TRPM3: variants seen among roughly 807,000 people sequenced by gnomAD.
TRPM3 encodes the protein transient receptor potential cation channel subfamily M member 3, also known as long transient receptor potential channel 3.
In TRPM3, 77 loss-of-function variants were observed where a neutral mutation model predicts 181.2. The observed-to-expected ratio is 0.42, with a 90% CI of 0.35 to 0.51. The LOEUF is 0.51. Ranked by LOEUF, TRPM3 falls within the 20% of genes least tolerant of loss-of-function variation. The pLI is 0.01. For synonymous variants in TRPM3, 745 were observed against 796.4 expected (o/e 0.94, Z 1.09); for missense variants, 1,759 against 2,196.7 (o/e 0.80, Z 3.98).
At chr9:71,376,358 T>C (rs985917037) in intron 1 of TRPM3, among the ~76,000 whole-genome samples, 3 of 152,062 alleles carry the variant, frequency 2.0e-5, no homozygotes, top group Admixed American at 6.5e-5. Context: ...CCCTTGCAAG[T>C]GATTTACATG....
At chr9:71,289,780 A>G (rs930279586) in intron 1 of TRPM3, among the ~76,000 whole-genome samples, 1 of 142,914 alleles carries the variant, frequency 7.0e-6, no homozygotes, top group African/African-American at 2.5e-5. Flanking sequence ...AGGCAAGAGA[A>G]TTGCTTGAAC....
chr9:71,216,912 G>A (rs1304640821), intron 1 of TRPM3, among the ~76,000 whole-genome samples: 1 of 141,132 alleles, frequency 7.1e-6, no homozygotes, highest in African/African-American at 2.7e-5. Context: ...CACAAGTTTT[G>A]CACAAGCATA....
Position 70,657,976 on chromosome 9 carries a change from C to T in TRPM3, c.1346-17316G>A, listed in dbSNP as rs191367840. ...ATTAATCATCAATGTCAAAGGCACA[C>T]TGATGCAAGACCAGCCTATGGGCCC... On this transcript the variant is annotated intron_variant, in intron 9 of 25. Coordinates refer to ENST00000677713, the MANE Select transcript of TRPM3 (RefSeq NM_001366145.2). 5.3e-5 allele frequency among the ~76,000 whole-genome samples: 8 copies of T among 152,256 alleles called. No homozygotes were observed. The East Asian group carries it at 1.5e-3, about 29-fold the overall frequency.
chr9:70,607,287 C>T (rs1458308039), intron 19 of TRPM3, among the ~76,000 whole-genome samples: 1 of 152,186 alleles, frequency 6.6e-6, no homozygotes, highest in South Asian at 2.1e-4. Context: ...CAGAGAAAAA[C>T]ACAGCCCAAA....
At chr9:70,562,529 A>G (rs1208053352) in intron 22 of TRPM3, among the ~76,000 whole-genome samples, 1 of 152,040 alleles carries the variant, frequency 6.6e-6, no homozygotes, top group Non-Finnish European at 1.5e-5. Flanking sequence ...TGAGCTATTC[A>G]GAACCCACTA....
chr9:71,442,003 A>G (rs2094142336), intron 1 of TRPM3, among the ~76,000 whole-genome samples: 1 of 152,226 alleles, frequency 6.6e-6, no homozygotes, highest in African/African-American at 2.4e-5. Flanking sequence ...AGTAGGCTCA[A>G]AGAGGGCAAG....
intron 1 of TRPM3, among the ~76,000 whole-genome samples, chr9:71,210,631 C>T (rs548950400): frequency 8.5e-5 from 13 of 152,274 alleles, no homozygotes; most frequent in African/African-American, 2.6e-4. Context: ...ATCAAACAAC[C>T]TCAAGAGTAG....
At chr9:70,868,154 T>C (rs2132512296) in intron 1 of TRPM3, among the ~76,000 whole-genome samples, 1 of 152,150 alleles carries the variant, frequency 6.6e-6, no homozygotes, top group South Asian at 2.1e-4. Context: ...AACCTCTCTG[T>C]ATATTCTTTT....
intron 1 of TRPM3, among the ~76,000 whole-genome samples, chr9:70,891,890 C>G (rs1373769324): frequency 6.6e-6 from 1 of 152,112 alleles, no homozygotes; most frequent in Non-Finnish European, 1.5e-5. Flanking sequence ...AAAGTCAGAC[C>G]CAAACTTAAG....
chr9:70,664,641 G>GTTT (rs71367210), intron 9 of TRPM3, among the ~76,000 whole-genome samples: 2,030 of 100,284 alleles, frequency 0.02, 229 homozygotes, highest in African/African-American at 0.035. Flanking sequence ...TAGGAGAGTA[G>GTTT]TTTTTTTTTT....
intron 6 of TRPM3, among the ~76,000 whole-genome samples, chr9:70,792,004 G>A (rs1351715335): frequency 6.6e-6 from 1 of 152,144 alleles, no homozygotes; most frequent in Non-Finnish European, 1.5e-5. Context: ...CAGTGGATGA[G>A]TAGATTGAAT....
At chr9:71,403,580 C>T (rs1891301) in intron 1 of TRPM3, among the ~76,000 whole-genome samples, 69,399 of 151,994 alleles carry the variant, frequency 0.46, 17,230 homozygotes, top group East Asian at 0.6. Context: ...TTTTCGTTGA[C>T]GCTTCACCAC....
chr9:70,638,346 T>C (rs911089244), intron 11 of TRPM3, among the ~76,000 whole-genome samples: 3 of 152,216 alleles, frequency 2.0e-5, no homozygotes, highest in African/African-American at 7.2e-5. Context: ...ATTATCATAG[T>C]ACAAATGGAC....
intron 1 of TRPM3, among the ~76,000 whole-genome samples, chr9:71,185,269 GTA>G (rs1356438071): frequency 1.3e-5 from 2 of 152,124 alleles, no homozygotes; most frequent in Non-Finnish European, 2.9e-5. Flanking sequence ...ATAAAACTAA[GTA>G]TAACCACAGC....
chr9:70,878,046 C>A (rs2095903399), intron 1 of TRPM3, among the ~76,000 whole-genome samples: 1 of 151,936 alleles, frequency 6.6e-6, no homozygotes, highest in Non-Finnish European at 1.5e-5. Flanking sequence ...TAAATACTGA[C>A]TTGACTTGAG....
At chr9:71,333,198 G>T (rs2090333077) in intron 1 of TRPM3, among the ~76,000 whole-genome samples, 1 of 151,930 alleles carries the variant, frequency 6.6e-6, no homozygotes. Flanking sequence ...TAAGGGGACT[G>T]CAAGAAGTCG....
chr9:71,302,306 C>G (rs2086853757), intron 1 of TRPM3, among the ~76,000 whole-genome samples: 2 of 152,134 alleles, frequency 1.3e-5, no homozygotes, highest in Non-Finnish European at 2.9e-5. Flanking sequence ...ATCCTCATCA[C>G]CTACTATTTT....
At chr9:71,099,971 A>G (rs1198163659) in intron 1 of TRPM3, among the ~76,000 whole-genome samples, 1 of 152,028 alleles carries the variant, frequency 6.6e-6, no homozygotes, top group Non-Finnish European at 1.5e-5. Context: ...TATGTGTTTG[A>G]CAGTGTGCTG....
At chr9:71,257,078 C>A (rs553155937) in intron 1 of TRPM3, among the ~76,000 whole-genome samples, 2 of 152,172 alleles carry the variant, frequency 1.3e-5, no homozygotes, top group Non-Finnish European at 2.9e-5. Flanking sequence ...GCAGAGCACT[C>A]TGGGAAATAT....
Sources: gnomAD v4.1 joint callset for allele counts (sites outside exome capture counted in the v4.1 genomes callset) on GRCh38, gnomAD v4.1.1 for gene constraint, MANE v1.5 for transcripts, NCBI Gene and HGNC (gene_info 2026-07-23, HGNC 2026-07-21) for gene names.